Variants in DPP10 observed in about 807,000 individuals in gnomAD.
DPP10 encodes the protein dipeptidyl peptidase like 10.
Under a neutral mutation model 120.9 loss-of-function variants are expected in DPP10, and 33 were observed. The observed-to-expected ratio is 0.27, with a 90% CI of 0.21 to 0.37. The LOEUF is 0.37. Ranked by LOEUF, DPP10 falls within the 10% of genes least tolerant of loss-of-function variation. The pLI is 1.00. For missense variants in DPP10, 816 were observed against 942.8 expected, an observed-to-expected ratio of 0.87 and a Z score of 1.76; for synonymous variants, 337 against 326.1, an observed-to-expected ratio of 1.03 and a Z score of -0.36.
At chr2:115,468,797 C>T (rs1171470402) in intron 3 of DPP10, 4 of 459,800 alleles carry the variant, frequency 8.7e-6, no homozygotes, top group Non-Finnish European at 8.5e-6. Context: ...AGACTGGTCT[C>T]AAGGTGTGCA....
intron 5 of DPP10, among the ~76,000 whole-genome samples, chr2:115,670,272 AGAG>A (rs1156348181): frequency 6.6e-6 from 1 of 152,138 alleles, no homozygotes; most frequent in African/African-American, 2.4e-5. Flanking sequence ...ATTTGGATGG[AGAG>A]GACACAACAT....
chr2:115,256,143 C>T (rs2058976927), intron 1 of DPP10, among the ~76,000 whole-genome samples: 4 of 152,172 alleles, frequency 2.6e-5, no homozygotes, highest in East Asian at 1.9e-4. Context: ...GCTGGGGAGG[C>T]CTCAGGAAAC....
At chr2:115,201,344 T>A (rs1187257963) in intron 1 of DPP10, among the ~76,000 whole-genome samples, 1 of 152,062 alleles carries the variant, frequency 6.6e-6, no homozygotes, top group Admixed American at 6.6e-5. Context: ...ATGCCTGTAA[T>A]CCCAGCTACC....
chr2:115,207,997 G>A (rs1014568577), intron 1 of DPP10, among the ~76,000 whole-genome samples: 2 of 152,086 alleles, frequency 1.3e-5, no homozygotes, highest in African/African-American at 4.8e-5. Flanking sequence ...TCTATTAGCC[G>A]ATGTACAGAT....
intron 2 of DPP10, among the ~76,000 whole-genome samples, chr2:115,312,880 C>A (rs1344444880): frequency 6.6e-6 from 1 of 152,142 alleles, no homozygotes; most frequent in African/African-American, 2.4e-5. Flanking sequence ...TTCAGCAAGA[C>A]ACTGGGCCTT....
At chr2:114,838,142 G>A (rs1178906456) in intron 1 of DPP10, among the ~76,000 whole-genome samples, 1 of 152,060 alleles carries the variant, frequency 6.6e-6, no homozygotes, top group East Asian at 1.9e-4. Context: ...TTGGTCTGTG[G>A]CCATATCACC....
intron 4 of DPP10, among the ~76,000 whole-genome samples, chr2:115,507,488 A>G (rs1054456165): frequency 6.6e-6 from 1 of 152,200 alleles, no homozygotes; most frequent in Admixed American, 6.6e-5. Context: ...AAGGCTCACT[A>G]CGGAGATAAC....
chr2:115,328,344 G>T (rs1011651346), intron 2 of DPP10, among the ~76,000 whole-genome samples: 8 of 152,012 alleles, frequency 5.3e-5, no homozygotes, highest in Non-Finnish European at 8.8e-5. Flanking sequence ...CTCAGAAAGA[G>T]GTTTGAGAAT....
At chr2:114,473,307 A>C (rs1680090381) in intron 1 of DPP10, among the ~76,000 whole-genome samples, 1 of 152,218 alleles carries the variant, frequency 6.6e-6, no homozygotes, top group Non-Finnish European at 1.5e-5. Flanking sequence ...ATGATGAATG[A>C]AACTCTAGTG....
chr2:115,733,772 GTTT>G (rs1045768728), intron 8 of DPP10, among the ~76,000 whole-genome samples: 10 of 152,100 alleles, frequency 6.6e-5, no homozygotes, highest in African/African-American at 2.2e-4. Context: ...TTGTGGCTAT[GTTT>G]TTAAGTGCCT....
At chr2:114,852,656 T>C (rs1482162444) in intron 1 of DPP10, among the ~76,000 whole-genome samples, 1 of 152,138 alleles carries the variant, frequency 6.6e-6, no homozygotes, top group Non-Finnish European at 1.5e-5. Flanking sequence ...CAATCCTCTA[T>C]GGATATCGTG....
At chr2:115,471,640 G>A (rs2074726481) in intron 3 of DPP10, among the ~76,000 whole-genome samples, 1 of 151,410 alleles carries the variant, frequency 6.6e-6, no homozygotes, top group South Asian at 2.1e-4. Context: ...AGACTGGAGT[G>A]CAGTGGCATG....
rs1676896554 is a variant in DPP10 at position 114,731,355 on chromosome 2, C to T, written c.60+288517C>T. 2.6e-5 allele frequency among the ~76,000 whole-genome samples: 4 copies of T among 152,208 alleles called. No homozygotes were observed. The South Asian group carries it at 8.3e-4, about 32-fold the overall frequency. The stretch of plus-strand genomic sequence containing the variant: ...CTTGATTAACAGCACTGTACTTCTA[C>T]TCCTGCTAATAATAGTGTCATATTT... On this transcript the variant is annotated intron_variant, in intron 1 of 25. Coordinates refer to ENST00000410059, the MANE Select transcript of DPP10 (RefSeq NM_020868.6).
At chr2:115,177,235 T>C (rs2053751444) in intron 1 of DPP10, among the ~76,000 whole-genome samples, 1 of 152,196 alleles carries the variant, frequency 6.6e-6, no homozygotes, top group African/African-American at 2.4e-5. Context: ...AATGTAAACT[T>C]TACAATTTAG....
intron 1 of DPP10, among the ~76,000 whole-genome samples, chr2:114,472,898 C>T (rs370185653): frequency 5.9e-5 from 9 of 152,168 alleles, no homozygotes; most frequent in African/African-American, 9.7e-5. Context: ...CTCCTCATGC[C>T]GTTCTACCTT....
intron 1 of DPP10, among the ~76,000 whole-genome samples, chr2:114,989,338 A>G (rs184577687): frequency 3.0e-4 from 46 of 152,300 alleles, no homozygotes; most frequent in Non-Finnish European, 1.5e-5. Flanking sequence ...TTTATACAGA[A>G]GATCACATAA....
intron 1 of DPP10, among the ~76,000 whole-genome samples, chr2:115,003,176 T>TAAAAAAAA (rs140794959): frequency 7.4e-6 from 1 of 134,392 alleles, no homozygotes. Flanking sequence ...TATGTAGCTA[T>TAAAAAAAA]AAAAAAAAAA....
intron 5 of DPP10, among the ~76,000 whole-genome samples, chr2:115,676,996 A>G (rs1349079979): frequency 6.6e-6 from 1 of 152,186 alleles, no homozygotes; most frequent in Non-Finnish European, 1.5e-5. Flanking sequence ...GTTAGTGGAA[A>G]CTATACAGAT....
intron 17 of DPP10, among the ~76,000 whole-genome samples, chr2:115,783,110 A>G (rs538274586): frequency 6.6e-6 from 1 of 152,182 alleles, no homozygotes; most frequent in Non-Finnish European, 1.5e-5. Context: ...TATTTAATCA[A>G]TGCTTCTATT....
Sources: allele counts gnomAD v4.1 joint callset (sites outside exome capture counted in the v4.1 genomes callset), GRCh38; gene constraint gnomAD v4.1.1; transcripts MANE v1.5; gene names NCBI Gene and HGNC (gene_info 2026-07-23, HGNC 2026-07-21).